The following CNTNAP2 variants were observed in gnomAD, a reference collection of about 807,000 sequenced individuals.
CNTNAP2 encodes the protein contactin-associated protein-like 2.
Under a neutral mutation model 155.2 loss-of-function variants are expected in CNTNAP2, and 98 were observed. The ratio of observed to expected loss-of-function variants is 0.63; its 90% confidence interval spans 0.54 to 0.75. The LOEUF is 0.75. Among genes scored for constraint, CNTNAP2 ranks in the 30% least tolerant of loss-of-function variants. The pLI, the probability that CNTNAP2 is intolerant of heterozygous loss-of-function variation, is 0.00. For missense variants in CNTNAP2, 1,727 were observed against 1,688.1 expected, an observed-to-expected ratio of 1.02 and a Z score of -0.40; for synonymous variants, 651 against 631.2, an observed-to-expected ratio of 1.03 and a Z score of -0.47.
In CNTNAP2 at chr7:146,359,625, T is replaced by C. The variant is rs116586169; in HGVS notation, c.97+242652T>C. On this transcript the variant is annotated intron_variant, in intron 1 of 23. Coordinates refer to ENST00000361727, the MANE Select transcript of CNTNAP2 (RefSeq NM_014141.6). ...GAGTTGTAGGAAAACATAACATCTCTATGAACATTTCACTATTTTGCTAAA... is the reference window on the plus strand; with the variant it reads ...GAGTTGTAGGAAAACATAACATCTCCATGAACATTTCACTATTTTGCTAAA... Among the ~76,000 whole-genome samples, 635 of 152,358 alleles carry C rather than the reference T, an allele frequency of 4.2e-3. 5 individuals carry two copies. Among genetic ancestry groups the C allele is most frequent in the African/African-American group, 0.015 (608 of 41,576 alleles).
intron 9 of CNTNAP2, among the ~76,000 whole-genome samples, chr7:147,349,667 G>A (rs781415412): frequency 6.6e-6 from 1 of 151,852 alleles, no homozygotes; most frequent in Non-Finnish European, 1.5e-5. Flanking sequence ...CTTCTCATTT[G>A]TCTATCTGCC....
intron 3 of CNTNAP2, among the ~76,000 whole-genome samples, chr7:146,889,351 T>C (rs1420417001): frequency 1.3e-5 from 2 of 152,148 alleles, no homozygotes; most frequent in African/African-American, 2.4e-5. Context: ...AATACAGCAA[T>C]AGACTTCAGG....
chr7:147,282,065 A>G (rs569304157), intron 8 of CNTNAP2, among the ~76,000 whole-genome samples: 1 of 151,994 alleles, frequency 6.6e-6, no homozygotes, highest in African/African-American at 2.4e-5. Context: ...TAATTCGCTC[A>G]TCCGGCTTAC....
At chr7:147,467,790 G>A (rs1454133081) in intron 10 of CNTNAP2, among the ~76,000 whole-genome samples, 1 of 152,180 alleles carries the variant, frequency 6.6e-6, no homozygotes, top group Non-Finnish European at 1.5e-5. Context: ...AATACTCTGG[G>A]AGGCCAAGGT....
intron 4 of CNTNAP2, among the ~76,000 whole-genome samples, chr7:147,083,830 A>G (rs1800200669): frequency 7.1e-6 from 1 of 141,522 alleles, no homozygotes; most frequent in Non-Finnish European, 1.5e-5. Flanking sequence ...ATACATATAC[A>G]CATGTATGTA....
At chr7:148,118,029 A>G (rs1804513436) in intron 15 of CNTNAP2, 89 bp from the exon 16 acceptor site, 5 of 1,299,752 alleles carry the variant, frequency 3.8e-6, no homozygotes, top group Non-Finnish European at 5.5e-6. Context: ...TGCTAATGGT[A>G]CTTATTAAAC....
intron 21 of CNTNAP2, among the ~76,000 whole-genome samples, chr7:148,344,063 T>G (rs1798279895): frequency 6.6e-6 from 1 of 152,212 alleles, no homozygotes; most frequent in South Asian, 2.1e-4. Context: ...GAGAGCGTTG[T>G]CCGGGGCAAA....
chr7:146,988,732 T>G (rs1798159364), intron 3 of CNTNAP2, among the ~76,000 whole-genome samples: 1 of 152,178 alleles, frequency 6.6e-6, no homozygotes, highest in African/African-American at 2.4e-5. Flanking sequence ...AAAGAGAACA[T>G]TGTTTAAAAG....
At chr7:147,461,414 T>C (rs1428023699) in intron 10 of CNTNAP2, among the ~76,000 whole-genome samples, 1 of 150,970 alleles carries the variant, frequency 6.6e-6, no homozygotes, top group Non-Finnish European at 1.5e-5. Flanking sequence ...GATCAAATTA[T>C]TGCCTATCCA....
In CNTNAP2 at chr7:146,497,267, A is replaced by G. The variant is rs540903827; in HGVS notation, c.98-277004A>G. Among the ~76,000 whole-genome samples, 3 of 152,296 alleles carry G rather than the reference A, an allele frequency of 2.0e-5. No homozygotes were observed. The East Asian group carries it at 5.8e-4, about 29-fold the overall frequency. On this transcript the variant is annotated intron_variant, in intron 1 of 23. Coordinates refer to ENST00000361727, the MANE Select transcript of CNTNAP2 (RefSeq NM_014141.6). ...CACTGAAAAAGTATGAATGCACTTA[A>G]ATTTCCCATTTCTGAAAAACATTTA...
chr7:146,335,800 G>A (rs1196919171), intron 1 of CNTNAP2, among the ~76,000 whole-genome samples: 6 of 152,140 alleles, frequency 3.9e-5, no homozygotes, highest in Non-Finnish European at 8.8e-5. Flanking sequence ...TAGAGAAGGT[G>A]TTAGAGACTG....
At chr7:148,098,484 C>G (rs1242497943) in intron 15 of CNTNAP2, among the ~76,000 whole-genome samples, 2 of 129,286 alleles carry the variant, frequency 1.5e-5, no homozygotes, top group Non-Finnish European at 3.2e-5. Context: ...GCTTGTGTGA[C>G]TGGAGCCTAA....
intron 1 of CNTNAP2, among the ~76,000 whole-genome samples, chr7:146,724,715 C>T (rs941030791): frequency 5.9e-5 from 9 of 151,744 alleles, no homozygotes; most frequent in Non-Finnish European, 1.0e-4. Context: ...GGATTACAGG[C>T]GCAGGCCACC....
At chr7:148,104,170 A>G (rs886356720) in intron 15 of CNTNAP2, among the ~76,000 whole-genome samples, 14 of 152,196 alleles carry the variant, frequency 9.2e-5, no homozygotes, top group African/African-American at 2.9e-4. Context: ...CTCCCCTGAG[A>G]CATGTGGACT....
chr7:148,109,363 G>GTT (rs1470081102), intron 15 of CNTNAP2, among the ~76,000 whole-genome samples: 6 of 142,000 alleles, frequency 4.2e-5, no homozygotes, highest in Non-Finnish European at 9.0e-5. Context: ...GTTTTGTTTT[G>GTT]TTTTGTTTTG....
intron 1 of CNTNAP2, among the ~76,000 whole-genome samples, chr7:146,773,800 A>G (rs1802339660): frequency 6.6e-6 from 1 of 152,232 alleles, no homozygotes; most frequent in African/African-American, 2.4e-5. Flanking sequence ...GAACTTAGTC[A>G]TCTCACATAA....
intron 15 of CNTNAP2, among the ~76,000 whole-genome samples, chr7:148,089,599 G>A (rs1460105724): frequency 6.6e-6 from 1 of 151,770 alleles, no homozygotes; most frequent in Non-Finnish European, 1.5e-5. Flanking sequence ...GGAGGTAAAA[G>A]TTTATAATGA....
rs547218776 is a variant in CNTNAP2 at position 148,191,582 on chromosome 7, C to T, written c.3010+19104C>T. On this transcript the variant is annotated intron_variant, in intron 18 of 23. Transcript: ENST00000361727. Reference sequence around the variant, plus strand: ...TGGCAGTCTGAGATCAGTGTTCCAGCATGGTCAGGTGCTGGTGAGGGCCCT... The same window carrying T: ...TGGCAGTCTGAGATCAGTGTTCCAGTATGGTCAGGTGCTGGTGAGGGCCCT... Among the ~76,000 whole-genome samples, 7 of 152,326 alleles carry T rather than the reference C, an allele frequency of 4.6e-5. No homozygotes were observed. The South Asian group carries it at 1.5e-3, about 32-fold the overall frequency.
intron 4 of CNTNAP2, among the ~76,000 whole-genome samples, chr7:147,047,612 A>G (rs1187376188): frequency 6.6e-6 from 1 of 152,124 alleles, no homozygotes; most frequent in Non-Finnish European, 1.5e-5. Context: ...CATTTTTTTA[A>G]CAATAATAAT....
Sources: allele counts gnomAD v4.1 joint callset (sites outside exome capture counted in the v4.1 genomes callset), GRCh38; gene constraint gnomAD v4.1.1; transcripts MANE v1.5; gene names NCBI Gene and HGNC (gene_info 2026-07-23, HGNC 2026-07-21).